MAP3K1: variants seen among roughly 807,000 people sequenced by gnomAD.
MAP3K1 encodes the protein mitogen-activated protein kinase kinase kinase 1, also known as MAP/ERK kinase kinase 1.
Under a neutral mutation model 144.2 loss-of-function variants are expected in MAP3K1, and 36 were observed. That is an observed-to-expected ratio of 0.25 (90% CI 0.19 to 0.33). The LOEUF is 0.33. Among genes scored for constraint, MAP3K1 ranks in the 10% least tolerant of loss-of-function variants. The pLI is 1.00. For synonymous variants in MAP3K1, 718 were observed against 688.7 expected (o/e 1.04, Z -0.67); for missense variants, 1,650 against 1,881.9 (o/e 0.88, Z 2.28).
chr5:56,831,344 T>TA (rs1324779740), intron 1 of MAP3K1, among the ~76,000 whole-genome samples: 2 of 151,778 alleles, frequency 1.3e-5, no homozygotes, highest in African/African-American at 4.8e-5. Context: ...GAGCAGGGGG[T>TA]AGAAAAGGGA....
At chr5:56,827,864 C>CAA (rs796781747) in intron 1 of MAP3K1, among the ~76,000 whole-genome samples, 6 of 140,352 alleles carry the variant, frequency 4.3e-5, no homozygotes, top group African/African-American at 1.3e-4. Flanking sequence ...AACTCCATCT[C>CAA]AAAAAAAAAA....
At chr5:56,872,156 T>G in intron 7 of MAP3K1, 125 bp downstream of exon 7, 2 of 1,236,530 alleles carry the variant, frequency 1.6e-6, no homozygotes, top group Non-Finnish European at 2.3e-6. Flanking sequence ...TATATCTAAG[T>G]CCTAAGTCCT....
Position 56,882,366 on chromosome 5 carries a change from AACAT to A in MAP3K1, c.3170_3173del (p.Ile1057ThrfsTer24). On this transcript the variant is annotated frameshift_variant, in exon 14 of 20. Coordinates refer to ENST00000399503, the MANE Select transcript of MAP3K1 (RefSeq NM_005921.2). LOFTEE classifies it high-confidence loss of function. ...TCAGTCAAGACCCTTGCCCTCCAGTAACATACACAGGCCAAAGCCATCTAGACCT... is the reference window on the plus strand; with the variant it reads ...TCAGTCAAGACCCTTGCCCTCCAGTAACACAGGCCAAAGCCATCTAGACCT... The A allele has an allele frequency of 6.2e-7, 1 of 1,614,182 alleles. No individual in the cohort carries two copies. Among genetic ancestry groups the A allele is most frequent in the Non-Finnish European group, 8.5e-7 (1 of 1,180,026 alleles).
chr5:56,874,942 A>G (rs1244883564), intron 9 of MAP3K1, 90 bp from the exon 10 acceptor site: 2 of 1,311,626 alleles, frequency 1.5e-6, no homozygotes, highest in African/African-American at 2.9e-5. Context: ...TCCAGTTTTT[A>G]CGTAGTAATC....
chr5:56,845,521 T>C (rs1461271553), intron 1 of MAP3K1, among the ~76,000 whole-genome samples: 1 of 152,214 alleles, frequency 6.6e-6, no homozygotes, highest in Non-Finnish European at 1.5e-5. Flanking sequence ...CCTACTTCTC[T>C]AGTGTAACGT....
intron 1 of MAP3K1, among the ~76,000 whole-genome samples, chr5:56,844,396 G>T (rs1746921878): frequency 6.6e-6 from 1 of 151,772 alleles, no homozygotes; most frequent in Admixed American, 6.6e-5. Flanking sequence ...AGCCAGGATG[G>T]TCTCGATCTC....
intron 15 of MAP3K1, 26 bp from the exon 16 acceptor site, chr5:56,884,638 T>G: frequency 1.2e-6 from 2 of 1,612,572 alleles, no homozygotes; most frequent in Non-Finnish European, 8.5e-7. Context: ...TATGCAAAAC[T>G]TTGTGAACGT....
At chr5:56,879,163 C>G in intron 11 of MAP3K1, 62 bp downstream of exon 11, 1 of 1,584,544 alleles carries the variant, frequency 6.3e-7, no homozygotes. Context: ...CGCAGCAAGC[C>G]TCACACCTAG....
At chr5:56,819,028 C>T (rs1052598742) in intron 1 of MAP3K1, among the ~76,000 whole-genome samples, 1 of 150,204 alleles carries the variant, frequency 6.7e-6, no homozygotes, top group Non-Finnish European at 1.5e-5. Context: ...AAGGTAGTCA[C>T]ATAAGTTAGT....
At chr5:56,865,203 T>C (rs1436129780) in intron 4 of MAP3K1, 137 bp from the exon 5 acceptor site, 11 of 654,374 alleles carry the variant, frequency 1.7e-5, no homozygotes, top group South Asian at 3.8e-5. Flanking sequence ...ATTTTTCTTA[T>C]ATACAAAGAT....
intron 2 of MAP3K1, among the ~76,000 whole-genome samples, chr5:56,857,900 A>G (rs1283483666): frequency 6.6e-6 from 1 of 152,170 alleles, no homozygotes; most frequent in Admixed American, 6.5e-5. Context: ...TACAGAATAA[A>G]TCTAATTGTT....
chr5:56,878,955 C>G, intron 10 of MAP3K1, 25 bp from the exon 11 acceptor site: 1 of 1,612,756 alleles, frequency 6.2e-7, no homozygotes, highest in Non-Finnish European at 8.5e-7. Flanking sequence ...TGTACATAAA[C>G]TGACCTTCAG....
At chr5:56,887,105 A>G (rs1748400431) in intron 17 of MAP3K1, among the ~76,000 whole-genome samples, 1 of 152,196 alleles carries the variant, frequency 6.6e-6, no homozygotes, top group Admixed American at 6.5e-5. Context: ...TTCTGTCATT[A>G]GTCTTTTTAG....
rs762482085 is a variant in MAP3K1 at position 56,872,980 on chromosome 5, A to G, written c.1661A>G (p.Lys554Arg). Reference protein sequence around the residue: ...YGTQQIPPAYKDLAEPWIQVF... With the variant: ...YGTQQIPPAYRDLAEPWIQVF... ...ACTCAGCAAATCCCTCCTGCTTACAAAGATTTAGCTGAGCCATGGATTCAG... is the reference window on the plus strand; with the variant it reads ...ACTCAGCAAATCCCTCCTGCTTACAGAGATTTAGCTGAGCCATGGATTCAG... The change falls in exon 9 of 20, where the codon AAA becomes AGA. Residue 554 changes from lysine to arginine, a missense_variant. Lys to Arg is a conservative substitution (Grantham distance 26, BLOSUM62 2). Coordinates refer to ENST00000399503, the MANE Select transcript of MAP3K1 (RefSeq NM_005921.2). 12 of 1,613,954 alleles carry G rather than the reference A, an allele frequency of 7.4e-6. No homozygotes were observed. In the East Asian group the frequency reaches 1.6e-4, roughly 21 times the overall value.
Position 56,815,942 on chromosome 5 carries a change from C to G in MAP3K1, c.369C>G (p.His123Gln). The part of the protein sequence containing the change: ...PHGAASRGGA[H>Q]LTESVAAPDS... The stretch of plus-strand genomic sequence containing the variant: ...GAGCCGCGAGCCGCGGCGGCGCCCA[C>G]CTTACCGAGTCGGTGGCGGCGCCGG... The change falls in exon 1 of 20, where the codon CAC becomes CAG. Residue 123 changes from histidine to glutamine, a missense_variant. Physicochemically the swap from His to Gln is conservative, Grantham distance 24. Transcript: ENST00000399503. 7.9e-7 allele frequency: 1 copy of G among 1,263,018 alleles called. No homozygotes were observed. The highest frequency in any genetic ancestry group is 3.1e-4 in the Middle Eastern group (1 of 3,254). 78.2% of individuals were successfully genotyped at this position (1,263,018 alleles called of 1,614,324 possible).
intron 9 of MAP3K1, 22 bp downstream of exon 9, chr5:56,873,027 AT>A (rs1747906548): frequency 6.2e-7 from 1 of 1,601,552 alleles, no homozygotes; most frequent in African/African-American, 1.3e-5. Context: ...TTTGTTTTTC[AT>A]TTCTCAAAGA....
rs369064548 is a variant in MAP3K1, at chr5:56,874,376, G to A, written c.1687-656G>A. ...GCTTTTGGGGCATGGTATTGACGAC[G>A]ATAACAGCATATACTATAATTCTAC... On this transcript the variant is annotated intron_variant, in intron 9 of 19. Transcript: ENST00000399503. Among the ~76,000 whole-genome samples, 49 of 152,188 alleles carry A rather than the reference G, an allele frequency of 3.2e-4. No individual in the cohort carries two copies. The South Asian group carries it at 4.4e-3, about 14-fold the overall frequency.
At chr5:56,868,408 G>A (rs890001047) in intron 6 of MAP3K1, among the ~76,000 whole-genome samples, 8 of 151,562 alleles carry the variant, frequency 5.3e-5, no homozygotes, top group East Asian at 1.9e-4. Flanking sequence ...TTTTTTAGAC[G>A]GAGTCTCTCT....
At chr5:56,835,014 A>G (rs1437089157) in intron 1 of MAP3K1, among the ~76,000 whole-genome samples, 1 of 152,194 alleles carries the variant, frequency 6.6e-6, no homozygotes, top group Admixed American at 6.5e-5. Flanking sequence ...TTGAAGTTTC[A>G]TGGCCTCCAG....
Sources: allele counts gnomAD v4.1 joint callset (sites outside exome capture counted in the v4.1 genomes callset), GRCh38; gene constraint gnomAD v4.1.1; transcripts MANE v1.5; gene names NCBI Gene and HGNC (gene_info 2026-07-23, HGNC 2026-07-21).